The following EPS15L1 variants were observed in gnomAD, a reference collection of about 807,000 sequenced individuals.
EPS15L1 encodes epidermal growth factor receptor substrate 15-like 1.
EPS15L1 carries 43 observed loss-of-function variants against 117.1 expected under a neutral mutation model. The ratio of observed to expected loss-of-function variants is 0.37; its 90% CI spans 0.29 to 0.47. The LOEUF (loss-of-function observed/expected upper bound fraction) is 0.47, where lower values mean the gene tolerates loss of function less well. Among genes scored for constraint, EPS15L1 ranks in the 20% least tolerant of loss-of-function variants. The pLI is 0.99. For missense variants in EPS15L1, 981 were observed against 1,164.0 expected (o/e 0.84, Z 2.29); for synonymous variants, 459 against 470.5 (o/e 0.98, Z 0.32).
chr19:16,449,212 C>T (rs2093116364), intron 1 of EPS15L1, among the ~76,000 whole-genome samples: 1 of 151,914 alleles, frequency 6.6e-6, no homozygotes, highest in Admixed American at 6.6e-5. Flanking sequence ...AGTTCAAGAC[C>T]AGCCTGGGCA....
chr19:16,398,195 C>T (rs888436442), intron 16 of EPS15L1, among the ~76,000 whole-genome samples: 4 of 152,232 alleles, frequency 2.6e-5, no homozygotes, highest in African/African-American at 9.6e-5. Flanking sequence ...GAGTGTGAAT[C>T]AGCATGAGTG....
In EPS15L1 at chr19:16,365,511, C is replaced by T. The variant is rs564161836; in HGVS notation, c.2381-3527G>A. 3.7e-4 allele frequency among the ~76,000 whole-genome samples: 56 copies of T among 152,308 alleles called. No homozygotes were observed. Among genetic ancestry groups the T allele is most frequent in the African/African-American group, 1.2e-3 (50 of 41,576 alleles). ...CTTGGACTTTGAGCCTCTAGAACTG[C>T]GGGACAATCCATGTCTGCTGTTTAG... On this transcript the variant is annotated intron_variant, in intron 22 of 23. Coordinates refer to ENST00000455140, the MANE Select transcript of EPS15L1 (RefSeq NM_001258374.3). The surrounding 1 kb of genome is among the most constrained non-coding windows in gnomAD (Gnocchi z 4.9).
In EPS15L1 at chr19:16,370,862, G is replaced by T. The variant is rs541424099; in HGVS notation, c.2380+6260C>A. Among the ~76,000 whole-genome samples, 118 of 152,310 alleles carry T rather than the reference G, an allele frequency of 7.7e-4. 1 individual carries two copies. Among genetic ancestry groups the T allele is most frequent in the Admixed American group, 1.5e-3 (23 of 15,306 alleles). On this transcript the variant is annotated intron_variant, in intron 22 of 23. Coordinates refer to ENST00000455140, the MANE Select transcript of EPS15L1 (RefSeq NM_001258374.3). This position sits in a 1 kb window ranked among gnomAD's most constrained non-coding sequence, Gnocchi z 5.2. Reference sequence around the variant, plus strand: ...TTGAACACAGCAGTGCTGGGGGATGGGGGGCGTGGGCAGGAAAGAGGGACT... The same window carrying T: ...TTGAACACAGCAGTGCTGGGGGATGTGGGGCGTGGGCAGGAAAGAGGGACT...
chr19:16,364,786 A>G (rs1159847998), intron 22 of EPS15L1, among the ~76,000 whole-genome samples: 1 of 152,156 alleles, frequency 6.6e-6, no homozygotes, highest in Non-Finnish European at 1.5e-5. Flanking sequence ...GCTCCTGAGC[A>G]GGATGGAGGG....
intron 1 of EPS15L1, among the ~76,000 whole-genome samples, chr19:16,470,952 G>C (rs1361072262): frequency 6.6e-6 from 1 of 152,208 alleles, no homozygotes; most frequent in Non-Finnish European, 1.5e-5. Flanking sequence ...CAACTGATGG[G>C]TGGAATGGCT....
At chr19:16,423,080 G>A (rs986294663) in intron 9 of EPS15L1, among the ~76,000 whole-genome samples, 7 of 152,100 alleles carry the variant, frequency 4.6e-5, no homozygotes, top group Non-Finnish European at 5.9e-5. Context: ...GGTTAAACTC[G>A]TTTACTCTTC....
At chr19:16,467,070 T>A (rs903080825) in intron 1 of EPS15L1, among the ~76,000 whole-genome samples, 1 of 151,756 alleles carries the variant, frequency 6.6e-6, no homozygotes, top group Non-Finnish European at 1.5e-5. Flanking sequence ...AAGGAATATC[T>A]GGGAATCCAA....
rs896993113 is a variant in EPS15L1 at position 16,471,861 on chromosome 19, T to TCGCCTCG, written c.33+45_33+51dup. 1.1e-4 allele frequency: 121 copies of TCGCCTCG among 1,142,398 alleles called. 1 individual carries two copies. The East Asian group carries it at 4.1e-3, about 39-fold the overall frequency. 70.8% of individuals were successfully genotyped at this position (1,142,398 alleles called of 1,614,324 possible). On this transcript the variant is annotated intron_variant, in intron 1 of 23. Coordinates refer to ENST00000455140, the MANE Select transcript of EPS15L1 (RefSeq NM_001258374.3). The surrounding 1 kb of genome is among the most constrained non-coding windows in gnomAD (Gnocchi z 4.8). ...CAGCGCCTCAGCCTCGCCGCACCGC[T>TCGCCTCG]CGCCTCGCGCCCCGCACCCCGGCGC... is the stretch of plus-strand genomic sequence containing the variant.
chr19:16,375,971 G>A (rs570377807), intron 22 of EPS15L1, among the ~76,000 whole-genome samples: 63 of 152,194 alleles, frequency 4.1e-4, no homozygotes, highest in Non-Finnish European at 7.9e-4. Context: ...GGGGGCATGC[G>A]GAGCCTGCTA....
At position 16,392,422 on chromosome 19, in the gene EPS15L1, G is replaced by A; in HGVS notation, c.1985C>T (p.Pro662Leu). 2 of 1,614,166 alleles carry A rather than the reference G, an allele frequency of 1.2e-6. No individual in the cohort carries two copies. Among genetic ancestry groups the A allele is most frequent in the East Asian group, 2.2e-5 (1 of 44,884 alleles). ...TTSTDPFGGDPFKESDPFRGS... is the reference protein window; with the variant it reads ...TTSTDPFGGDLFKESDPFRGS... ...ACGGAATGGGTCACTTTCTTTGAAA[G>A]GGTCCCCTCCAAATGGATCTAGAAG... The change falls in exon 19 of 24, where the codon CCT becomes CTT. Residue 662 changes from proline (P) to leucine (L), a missense_variant. Pro to Leu is a moderately conservative substitution (Grantham distance 98). Around this residue, in one of 5 missense-constraint regions of EPS15L1, gnomAD observed 819 missense variants for 949.0 expected, o/e 0.86. Coordinates refer to ENST00000455140, the MANE Select transcript of EPS15L1 (RefSeq NM_001258374.3).
At chr19:16,434,696 G>T in intron 6 of EPS15L1, 1 of 483,574 alleles carries the variant, frequency 2.1e-6, no homozygotes, top group Non-Finnish European at 3.6e-6. Context: ...TGGCAACCTC[G>T]GATCTGGGAG....
Position 16,469,843 on chromosome 19 carries a change from C to A in EPS15L1, c.33+2070G>T, listed in dbSNP as rs574928366. Among the ~76,000 whole-genome samples, 4 of 152,186 alleles carry A rather than the reference C, an allele frequency of 2.6e-5. No individual in the cohort carries two copies. The East Asian group carries it at 7.7e-4, about 29-fold the overall frequency. On this transcript the variant is annotated intron_variant, in intron 1 of 23. Coordinates refer to ENST00000455140, the MANE Select transcript of EPS15L1 (RefSeq NM_001258374.3). ...CTGCAGGGTGCTTCCCTTTTGCCCC[C>A]AACCAAAAATTTTGGAATTATACCC...
intron 18 of EPS15L1, among the ~76,000 whole-genome samples, chr19:16,393,132 G>A (rs1054386458): frequency 2.5e-4 from 37 of 148,566 alleles, no homozygotes; most frequent in African/African-American, 7.7e-4. Context: ...AATAAACAAC[G>A]CAGGTAAATC....
In EPS15L1 at chr19:16,355,494, G is replaced by C; in HGVS notation, c.*211C>G. 1.7e-6 allele frequency: 1 copy of C among 584,724 alleles called. No homozygotes were observed. Among genetic ancestry groups the C allele is most frequent in the Non-Finnish European group, 2.9e-6 (1 of 339,520 alleles). The allele number at this position is 584,724 out of a possible 1,614,324, so 36.2% of individuals were successfully genotyped here. On this transcript the variant is annotated 3_prime_UTR_variant, in exon 24 of 24. Transcript: ENST00000455140. ...GATGGCACAGTGGAGAGACGGACCT[G>C]CAGAAGTGGTGGCCAAGGCCTCTGT...
chr19:16,461,173 A>G (rs956907888), intron 1 of EPS15L1, among the ~76,000 whole-genome samples: 4 of 151,864 alleles, frequency 2.6e-5, no homozygotes, highest in Non-Finnish European at 4.4e-5. Context: ...GCGTGGTGGC[A>G]GGCGCCTGTA....
intron 6 of EPS15L1, among the ~76,000 whole-genome samples, chr19:16,436,371 G>T (rs1385234380): frequency 6.6e-6 from 1 of 151,912 alleles, no homozygotes; most frequent in Non-Finnish European, 1.5e-5. Flanking sequence ...GACAGCCCTC[G>T]TTTTTTTTCT....
intron 1 of EPS15L1, among the ~76,000 whole-genome samples, chr19:16,450,522 C>G (rs1175730550): frequency 6.9e-6 from 1 of 145,224 alleles, no homozygotes; most frequent in African/African-American, 2.6e-5. Flanking sequence ...ACTTTGTTGC[C>G]CAGGCTGGAG....
intron 22 of EPS15L1, among the ~76,000 whole-genome samples, chr19:16,363,712 C>T (rs2092093119): frequency 6.6e-6 from 1 of 152,180 alleles, no homozygotes; most frequent in African/African-American, 2.4e-5. Flanking sequence ...CCAGGAGTCT[C>T]CTCCCACTCA....
At chr19:16,424,051 G>A (rs1332244619) in intron 9 of EPS15L1, among the ~76,000 whole-genome samples, 2 of 152,336 alleles carry the variant, frequency 1.3e-5, no homozygotes, top group Admixed American at 6.5e-5. Flanking sequence ...CCGTGGAGCT[G>A]GCTCTCCCAG....
Sources: allele counts gnomAD v4.1 joint callset (sites outside exome capture counted in the v4.1 genomes callset), GRCh38; gene constraint gnomAD v4.1.1; regional missense constraint gnomAD v4.1.1; non-coding constraint Gnocchi (gnomAD v3.1); transcripts MANE v1.5; gene names NCBI Gene and HGNC (gene_info 2026-07-23, HGNC 2026-07-21).